The following FHIT variants were observed in gnomAD, a reference collection of about 807,000 sequenced individuals.
The protein encoded by FHIT is bis(5'-adenosyl)-triphosphatase.
In FHIT, 19 loss-of-function variants were observed where a neutral mutation model predicts 17.9. The ratio of observed to expected loss-of-function variants is 1.06; its 90% CI spans 0.74 to 1.56. FHIT has a LOEUF of 1.56. Ranked by LOEUF, FHIT falls within the 40% of genes most tolerant of loss-of-function variation. The pLI is 0.00. For synonymous variants in FHIT, 81 were observed against 69.7 expected (o/e 1.16, Z -0.81); for missense variants, 248 against 189.2 (o/e 1.31, Z -1.82).
chr3:60,905,617 G>A (rs1317339674), intron 3 of FHIT, among the ~76,000 whole-genome samples: 1 of 152,106 alleles, frequency 6.6e-6, no homozygotes, highest in Non-Finnish European at 1.5e-5. Context: ...TCCTTTGTGT[G>A]AACAACCAAT....
chr3:60,998,071 A>G (rs948750987), intron 3 of FHIT, among the ~76,000 whole-genome samples: 1 of 152,230 alleles, frequency 6.6e-6, no homozygotes, highest in African/African-American at 2.4e-5. Flanking sequence ...GCTGAAAAGG[A>G]CCAAGGGATT....
At chr3:60,132,861 C>T (rs1486048517) in intron 5 of FHIT, among the ~76,000 whole-genome samples, 2 of 152,126 alleles carry the variant, frequency 1.3e-5, no homozygotes, top group Non-Finnish European at 2.9e-5. Flanking sequence ...TTGCTAAACC[C>T]ACCATCTAAC....
At chr3:61,095,633 A>G (rs2035613868) in intron 2 of FHIT, among the ~76,000 whole-genome samples, 1 of 151,734 alleles carries the variant, frequency 6.6e-6, no homozygotes, top group Non-Finnish European at 1.5e-5. Context: ...CATTGCCCCA[A>G]CCTTAAAGCA....
chr3:60,509,888 C>T (rs964396591), intron 5 of FHIT, among the ~76,000 whole-genome samples: 3 of 152,090 alleles, frequency 2.0e-5, no homozygotes, highest in African/African-American at 7.2e-5. Flanking sequence ...TCAATGAATA[C>T]ATCACGTACC....
At chr3:59,926,111 C>T (rs781159993) in intron 7 of FHIT, among the ~76,000 whole-genome samples, 1 of 152,214 alleles carries the variant, frequency 6.6e-6, no homozygotes, top group Non-Finnish European at 1.5e-5. Context: ...TCCCATGACA[C>T]ATTCCACACC....
At chr3:60,709,014 A>G (rs1224489129) in intron 4 of FHIT, among the ~76,000 whole-genome samples, 2 of 152,180 alleles carry the variant, frequency 1.3e-5, no homozygotes, top group East Asian at 1.9e-4. Flanking sequence ...AACGTACTTT[A>G]GAGAATGTTT....
rs139900464 is a variant in FHIT at position 60,916,839 on chromosome 3, T to G, written c.-110-94828A>C. Among the ~76,000 whole-genome samples the G allele has an allele frequency of 6.7e-3, 1,018 of 152,280 alleles. 6 individuals are homozygous for G. The highest frequency in any genetic ancestry group is 0.011 in the Non-Finnish European group (768 of 68,024). On this transcript the variant is annotated intron_variant, in intron 3 of 9. Coordinates refer to ENST00000492590, the MANE Select transcript of FHIT (RefSeq NM_002012.4). ...GCTATAATAGCATGCAGTAGTCTGA[T>G]GAAGTTTGTAATATAAAGTGGAGAT... is the stretch of plus-strand genomic sequence containing the variant.
chr3:59,818,417 T>G (rs373289418), intron 8 of FHIT, among the ~76,000 whole-genome samples: 1 of 152,112 alleles, frequency 6.6e-6, no homozygotes, highest in South Asian at 2.1e-4. Flanking sequence ...CAGAGACTGC[T>G]AGAAACACCA....
intron 2 of FHIT, among the ~76,000 whole-genome samples, chr3:61,057,456 T>C (rs1311139973): frequency 6.6e-6 from 1 of 152,096 alleles, no homozygotes; most frequent in East Asian, 1.9e-4. Flanking sequence ...GACCAGGTGA[T>C]AGCTCTGGAT....
chr3:59,857,821 G>C (rs771260166), intron 8 of FHIT, among the ~76,000 whole-genome samples: 2 of 151,666 alleles, frequency 1.3e-5, no homozygotes, highest in African/African-American at 2.4e-5. Flanking sequence ...GCGATACTGG[G>C]AACTGTGAAT....
intron 4 of FHIT, among the ~76,000 whole-genome samples, chr3:60,719,610 T>C (rs2041765161): frequency 6.6e-6 from 1 of 152,090 alleles, no homozygotes. Context: ...TCAGCAGCAT[T>C]TGGGGCTTCC....
chr3:60,392,634 A>G (rs1173486359), intron 5 of FHIT, among the ~76,000 whole-genome samples: 1 of 152,216 alleles, frequency 6.6e-6, no homozygotes, highest in Non-Finnish European at 1.5e-5. Context: ...TCAGCTGCAG[A>G]CAAGAGCTTT....
At chr3:60,943,210 C>G (rs1334343327) in intron 3 of FHIT, among the ~76,000 whole-genome samples, 2 of 152,002 alleles carry the variant, frequency 1.3e-5, no homozygotes, top group Non-Finnish European at 2.9e-5. Context: ...ATGGTTAAAA[C>G]TCTCAGATTA....
At chr3:60,632,924 T>A (rs2039484116) in intron 4 of FHIT, among the ~76,000 whole-genome samples, 2 of 152,166 alleles carry the variant, frequency 1.3e-5, no homozygotes, top group African/African-American at 4.8e-5. Flanking sequence ...AAGTTATCAA[T>A]AATGCAGAAT....
At chr3:60,439,580 G>A (rs1270984885) in intron 5 of FHIT, among the ~76,000 whole-genome samples, 2 of 151,810 alleles carry the variant, frequency 1.3e-5, no homozygotes, top group Non-Finnish European at 2.9e-5. Context: ...AGTGATTCCT[G>A]GTCTCAGTCA....
At chr3:60,816,245 T>C (rs1430889333) in intron 4 of FHIT, among the ~76,000 whole-genome samples, 1 of 152,140 alleles carries the variant, frequency 6.6e-6, no homozygotes, top group Admixed American at 6.5e-5. Context: ...TTCTCTTGCC[T>C]GATTGCTGTG....
chr3:61,134,841 C>G (rs1007750038), intron 2 of FHIT, among the ~76,000 whole-genome samples: 9 of 152,162 alleles, frequency 5.9e-5, no homozygotes, highest in Admixed American at 2.0e-4. Context: ...GAACTGTTCA[C>G]CTGAATCGCA....
chr3:60,504,231 C>A (rs6762271), intron 5 of FHIT, among the ~76,000 whole-genome samples: 2 of 151,908 alleles, frequency 1.3e-5, no homozygotes, highest in Non-Finnish European at 2.9e-5. Context: ...GTCAGGAGAT[C>A]GAGACCATCC....
intron 8 of FHIT, among the ~76,000 whole-genome samples, chr3:59,759,443 A>G (rs138868308): frequency 3.3e-5 from 5 of 152,180 alleles, no homozygotes; most frequent in African/African-American, 1.2e-4. Flanking sequence ...ACTAAGTGAG[A>G]GGACTTGGCC....
Sources: allele counts gnomAD v4.1 joint callset (sites outside exome capture counted in the v4.1 genomes callset), GRCh38; gene constraint gnomAD v4.1.1; transcripts MANE v1.5; gene names NCBI Gene and HGNC (gene_info 2026-07-23, HGNC 2026-07-21).